Variants in ARHGEF40 observed in about 807,000 individuals in gnomAD.
ARHGEF40 encodes the protein Rho guanine nucleotide exchange factor 40.
Under a neutral mutation model 165.9 loss-of-function variants are expected in ARHGEF40, and 98 were observed. The observed-to-expected ratio is 0.59, with a 90% CI of 0.50 to 0.70. The LOEUF (loss-of-function observed/expected upper bound fraction) is 0.70. ARHGEF40 is among the 30% of genes least tolerant of loss of function. The pLI is 0.00. For synonymous variants in ARHGEF40, 792 were observed against 814.3 expected, an observed-to-expected ratio of 0.97 and a Z score of 0.47; for missense variants, 1,815 against 1,968.0, an observed-to-expected ratio of 0.92 and a Z score of 1.47.
intron 19 of ARHGEF40, 80 bp from the exon 20 acceptor site, chr14:21,086,921 A>T: frequency 1.6e-6 from 2 of 1,215,228 alleles, no homozygotes; most frequent in Non-Finnish European, 1.1e-6. Context: ...AAAAAAAAAA[A>T]AGAAAAAAAT....
chr14:21,075,433 G>T lies in ARHGEF40; in HGVS notation c.1552G>T (p.Val518Phe). 1.2e-6 allele frequency: 2 copies of T among 1,614,230 alleles called. No individual in the cohort carries two copies. Among genetic ancestry groups the T allele is most frequent in the Non-Finnish European group, 1.7e-6 (2 of 1,180,048 alleles). The change falls in exon 4 of 24, where the codon GTC (valine) becomes TTC (phenylalanine). Residue 518 changes from valine (V) to phenylalanine (F), a missense_variant. Coordinates refer to ENST00000298694, the MANE Select transcript of ARHGEF40 (RefSeq NM_018071.5). This position sits in a 1 kb window ranked among gnomAD's most constrained non-coding sequence, Gnocchi z 4.5. ...CAACATTCCAGAAGAGGCCCTTGCA[G>T]TCTCCGTCTCTGATCACCCTGATGT... ...GDNIPEEALA[V>F]SVSDHPDVAW...
In ARHGEF40 at chr14:21,080,895, A is replaced by C. The variant is rs1887837671; in HGVS notation, c.2519A>C (p.Glu840Ala). ...CAGGAGCGCCTGGCCCAGGCACGGG[A>C]GGCCCTGGCTCTGGAGGAGAATGCC... ...EVQERLAQAREALALEENATS... is the reference protein window; with the variant it reads ...EVQERLAQARAALALEENATS... Residue 840 changes from glutamate (E) to alanine (A), a missense_variant, in exon 13 of 24, where the codon GAG (glutamate) becomes GCG (alanine). Physicochemically the swap from Glu to Ala is moderately radical, Grantham distance 107. Transcript: ENST00000298694. The C allele has an allele frequency of 1.2e-6, 2 of 1,613,962 alleles. No homozygotes were observed. Among genetic ancestry groups the C allele is most frequent in the Non-Finnish European group, 1.7e-6 (2 of 1,179,982 alleles).
chr14:21,062,530 C>T, the ARHGEF40 span, among the ~76,000 whole-genome samples: 1,207 of 152,128 alleles, frequency 7.9e-3, 16 homozygotes, highest in African/African-American at 0.027. Flanking sequence ...GCCTGAGGCC[C>T]GTGTAGGGGT....
Position 21,087,974 on chromosome 14 carries a change from A to G in ARHGEF40, c.4394A>G (p.Glu1465Gly). 1 of 1,614,052 alleles carries G rather than the reference A, an allele frequency of 6.2e-7. No individual in the cohort carries two copies. Among genetic ancestry groups the G allele is most frequent in the African/African-American group, 1.3e-5 (1 of 75,030 alleles). ...ACCCTAGCTTCCCCTTCAGCCCCAG[A>G]AACACTTGACTCTTCTGGAGATGTG... Reference protein sequence around the residue: ...LDVKQISLAPETLDSSGDVSP... With the variant: ...LDVKQISLAPGTLDSSGDVSP... Residue 1465 changes from glutamate (E) to glycine (G), a missense_variant, in exon 22 of 24, where the codon GAA becomes GGA. Glu to Gly is a moderately conservative substitution (Grantham distance 98, BLOSUM62 -2). Transcript: ENST00000298694.
Position 21,070,491 on chromosome 14 carries a change from T to C in ARHGEF40, c.3+92T>C. 7.6e-7 allele frequency: 1 copy of C among 1,323,458 alleles called. No individual in the cohort carries two copies. Among genetic ancestry groups the C allele is most frequent in the Non-Finnish European group, 9.7e-7 (1 of 1,030,682 alleles). 82.0% of individuals were successfully genotyped at this position (1,323,458 alleles called of 1,614,324 possible). On this transcript the variant is annotated intron_variant, in intron 1 of 23. Coordinates refer to ENST00000298694, the MANE Select transcript of ARHGEF40 (RefSeq NM_018071.5). The surrounding 1 kb of genome is among the most constrained non-coding windows in gnomAD (Gnocchi z 4.7). ...TCCTCAGCCTGGTGCCTCCCGAGCCTGCCTCGGACTGTTCGGCCCCTCTGG... is the reference window on the plus strand; with the variant it reads ...TCCTCAGCCTGGTGCCTCCCGAGCCCGCCTCGGACTGTTCGGCCCCTCTGG...
chr14:21,088,973 C>A, intron 23 of ARHGEF40, 41 bp from the exon 24 acceptor site: 2 of 1,271,028 alleles, frequency 1.6e-6, no homozygotes, highest in South Asian at 1.3e-5. Flanking sequence ...TCAGCTTCTT[C>A]CCTCTCCCAA....
chr14:21,062,485 T>C, the ARHGEF40 span, among the ~76,000 whole-genome samples: 2 of 152,240 alleles, frequency 1.3e-5, no homozygotes, highest in South Asian at 4.2e-4. Context: ...GGGAGTATTA[T>C]ATCCTAGAAA....
chr14:21,070,216 G>A (rs1594537301), upstream of ARHGEF40: 2 of 432,844 alleles, frequency 4.6e-6, no homozygotes, highest in Non-Finnish European at 6.9e-6. This position sits in a 1 kb window ranked among gnomAD's most constrained non-coding sequence, Gnocchi z 4.7. Flanking sequence ...GGGGAGGGGC[G>A]GCCGTCTCGG....
chr14:21,085,643 C>A, intron 18 of ARHGEF40, 46 bp from the exon 19 acceptor site: 2 of 1,589,314 alleles, frequency 1.3e-6, no homozygotes, highest in Admixed American at 1.7e-5. Flanking sequence ...CGCCACCCAG[C>A]CAGGACTCAC....
upstream of ARHGEF40, among the ~76,000 whole-genome samples, chr14:21,068,584 C>T (rs1886414912): frequency 6.6e-6 from 1 of 152,016 alleles, no homozygotes; most frequent in South Asian, 2.1e-4. Flanking sequence ...CCCTGTAACC[C>T]GCCCCTGGGC....
chr14:21,068,984 G>A (rs1325876191), upstream of ARHGEF40, among the ~76,000 whole-genome samples: 2 of 152,262 alleles, frequency 1.3e-5, no homozygotes, highest in Non-Finnish European at 2.9e-5. Context: ...GGCCTCCGAG[G>A]AACTGCAGGC....
At chr14:21,084,608 C>A (rs1012826651) in intron 17 of ARHGEF40, 145 bp from the exon 18 acceptor site, 1 of 848,702 alleles carries the variant, frequency 1.2e-6, no homozygotes, top group East Asian at 2.6e-5. Flanking sequence ...AGTTGATGGA[C>A]CCTAGGCTGA....
At chr14:21,061,901 T>C in the ARHGEF40 span, among the ~76,000 whole-genome samples, 3 of 152,226 alleles carry the variant, frequency 2.0e-5, no homozygotes, top group East Asian at 5.8e-4. Flanking sequence ...GGTTTTTAAG[T>C]ATTCAGGAAT....
At chr14:21,078,639 A>G in intron 10 of ARHGEF40, 151 bp downstream of exon 10, 1 of 942,314 alleles carries the variant, frequency 1.1e-6, no homozygotes, top group Non-Finnish European at 1.6e-6. Flanking sequence ...CATAACCCTC[A>G]CAACATCCTT....
Position 21,076,858 on chromosome 14 carries a change from C to T in ARHGEF40, c.2002C>T (p.Pro668Ser). ...LQWELGGHRD[P>S]SPSHWVEIHQ... ...GTGGGAGTTAGGAGGTCACAGGGAC[C>T]CCTCTCCCAGTCACTGGGTAGAGAT... Residue 668 changes from proline (P) to serine (S), a missense_variant, in exon 8 of 24, where the codon CCC (proline) becomes TCC (serine). By Grantham distance (74) the Pro-to-Ser change is moderately conservative. Transcript: ENST00000298694. 6.2e-7 allele frequency: 1 copy of T among 1,613,604 alleles called. No homozygotes were observed. The highest frequency in any genetic ancestry group is 8.5e-7 in the Non-Finnish European group (1 of 1,179,988).
Position 21,084,683 on chromosome 14 carries a change from T to C in ARHGEF40, c.3790-70T>C, listed in dbSNP as rs553009685. On this transcript the variant is annotated intron_variant, in intron 17 of 23. Transcript: ENST00000298694. ...CATTAGGCCACTTGCCCTATAAATC[T>C]ATTTTTGCTCCCTGTAAAATACAAA... 20 of 1,531,756 alleles carry C rather than the reference T, an allele frequency of 1.3e-5. No homozygotes were observed. The East Asian group carries it at 4.5e-4, about 34-fold the overall frequency. The allele number at this position is 1,531,756 out of a possible 1,614,324, so 94.9% of individuals were successfully genotyped here. A position where few individuals can be genotyped will look rare whatever the true frequency, so the allele number is the denominator to read the frequency against.
chr14:21,067,985 T>TCTCCATGAAAAAAAAAATGA (rs1566514089), upstream of ARHGEF40, among the ~76,000 whole-genome samples: 4 of 4,288 alleles, frequency 9.3e-4, no homozygotes, highest in African/African-American at 5.1e-3. Context: ...CTCCCCTTTT[T>TCTCCATGAAAAAAAAAATGA]TTTTTTTTTT....
chr14:21,087,923 C>T lies in ARHGEF40; in HGVS notation c.4388-45C>T, dbSNP rs756747931. On this transcript the variant is annotated intron_variant, in intron 21 of 23. Coordinates refer to ENST00000298694, the MANE Select transcript of ARHGEF40 (RefSeq NM_018071.5). ...GAGCAGCTTGGTTGCTTAAGGTAATCTGGAGGGATTCTGTACTCTGCTCTC... is the reference window on the plus strand; with the variant it reads ...GAGCAGCTTGGTTGCTTAAGGTAATTTGGAGGGATTCTGTACTCTGCTCTC... The T allele has an allele frequency of 6.2e-6, 10 of 1,611,862 alleles. No homozygotes were observed. The South Asian group carries it at 9.9e-5, about 16-fold the overall frequency.
Position 21,073,128 on chromosome 14 carries a change from G to A in ARHGEF40, c.87G>A (p.Leu29=), listed in dbSNP as rs1887112413. The A allele has an allele frequency of 1.2e-6, 2 of 1,614,026 alleles. No individual in the cohort carries two copies. Among genetic ancestry groups the A allele is most frequent in the African/African-American group, 1.3e-5 (1 of 74,908 alleles). The change falls in exon 2 of 24, where the codon TTG becomes TTA. Residue 29 remains leucine (L), a synonymous_variant. Transcript: ENST00000298694. The surrounding 1 kb of genome is among the most constrained non-coding windows in gnomAD (Gnocchi z 4.6). ...TTGAGGCAACAGCCCCCACCCTGTT[G>A]GGCCAGGTGTTCCAGGTGGTGGAGA... The part of the protein sequence containing the change: ...PPFEATAPTL[L]GQVFQVVERT...
Sources: allele counts gnomAD v4.1 joint callset (sites outside exome capture counted in the v4.1 genomes callset), GRCh38; gene constraint gnomAD v4.1.1; non-coding constraint Gnocchi (gnomAD v3.1); transcripts MANE v1.5; gene names NCBI Gene and HGNC (gene_info 2026-07-23, HGNC 2026-07-21).